The following SMIM14 variants were observed in gnomAD, a reference collection of about 807,000 sequenced individuals.
SMIM14 encodes chromosome 4 open reading frame 34.
In SMIM14, 5 loss-of-function variants were observed where a neutral mutation model predicts 12.6. That is an observed-to-expected ratio of 0.40 (90% CI 0.21 to 0.83). The LOEUF (loss-of-function observed/expected upper bound fraction) is 0.83. Among genes scored for constraint, SMIM14 ranks in the 40% least tolerant of loss-of-function variants. The probability of loss-of-function intolerance (pLI) is 0.37; values close to 1 mark genes in which losing one functional copy is unlikely to be tolerated. For missense variants in SMIM14, 86 were observed against 119.1 expected (o/e 0.72, Z 1.29); for synonymous variants, 30 against 40.1 (o/e 0.75, Z 0.95).
chr4:39,555,692 T>C (rs568011345), intron 4 of SMIM14, among the ~76,000 whole-genome samples: 16 of 152,332 alleles, frequency 1.1e-4, no homozygotes, highest in African/African-American at 3.8e-4. Flanking sequence ...GCTGATTTAC[T>C]GTGGTACAGA....
chr4:39,592,495 G>A (rs920411351), intron 2 of SMIM14, among the ~76,000 whole-genome samples: 9 of 151,994 alleles, frequency 5.9e-5, no homozygotes, highest in Non-Finnish European at 1.2e-4. Context: ...TTTATGAGAG[G>A]ATACTTTTCT....
chr4:39,634,012 T>TC (rs1716003755), intron 1 of SMIM14, among the ~76,000 whole-genome samples: 1 of 152,216 alleles, frequency 6.6e-6, no homozygotes, highest in Non-Finnish European at 1.5e-5. Flanking sequence ...CACTGCAACC[T>TC]CCACCTTCCG....
chr4:39,620,748 GGTGA>G (rs1269516900), intron 1 of SMIM14, among the ~76,000 whole-genome samples: 1 of 152,164 alleles, frequency 6.6e-6, no homozygotes, highest in African/African-American at 2.4e-5. Context: ...TGTGGGAAGT[GGTGA>G]GTAAGTCCTG....
intron 3 of SMIM14, among the ~76,000 whole-genome samples, chr4:39,557,077 C>A (rs999301704): frequency 1.4e-5 from 2 of 147,304 alleles, no homozygotes; most frequent in Non-Finnish European, 3.0e-5. Flanking sequence ...TGCAGTGGGA[C>A]AATGTTGGCT....
chr4:39,601,790 G>GA (rs1714622139), intron 2 of SMIM14, among the ~76,000 whole-genome samples: 1 of 151,716 alleles, frequency 6.6e-6, no homozygotes. Flanking sequence ...CTACCAAAAT[G>GA]TAAAAAATTA....
At chr4:39,619,925 G>T (rs192674101) in intron 1 of SMIM14, among the ~76,000 whole-genome samples, 2 of 143,720 alleles carry the variant, frequency 1.4e-5, no homozygotes, top group African/African-American at 5.2e-5. Flanking sequence ...TGTGGCCCAC[G>T]CTAGAGTGCA....
chr4:39,585,556 C>T (rs776645587), intron 2 of SMIM14, among the ~76,000 whole-genome samples: 2 of 151,986 alleles, frequency 1.3e-5, no homozygotes, highest in Non-Finnish European at 2.9e-5. Flanking sequence ...CTTGGCCTCC[C>T]AAAGTGCTGG....
Position 39,638,758 on chromosome 4 carries a change from T to G in SMIM14, c.-55A>C. On this transcript the variant is annotated 5_prime_UTR_variant, in exon 1 of 5. Coordinates refer to ENST00000295958, the MANE Select transcript of SMIM14 (RefSeq NM_174921.3). ...ACTCACCCGCCCAGACAACAACCGA[T>G]GGGGCGGGGAGGATGGGGGCCGGGA... 1 of 985,114 alleles carries G rather than the reference T, an allele frequency of 1.0e-6. No individual in the cohort carries two copies. 61.0% of individuals were successfully genotyped at this position (985,114 alleles called of 1,614,324 possible).
At chr4:39,620,175 T>C (rs1248754769) in intron 1 of SMIM14, among the ~76,000 whole-genome samples, 2 of 145,740 alleles carry the variant, frequency 1.4e-5, no homozygotes, top group Admixed American at 7.3e-5. Flanking sequence ...CCCATCTCTA[T>C]TAAGAAAAAA....
At chr4:39,621,553 T>C (rs1273341745) in intron 1 of SMIM14, among the ~76,000 whole-genome samples, 1 of 152,054 alleles carries the variant, frequency 6.6e-6, no homozygotes, top group Admixed American at 6.6e-5. Flanking sequence ...TAATCTGAAA[T>C]ACAAAGGTTT....
At chr4:39,635,312 G>C (rs1360215650) in intron 1 of SMIM14, among the ~76,000 whole-genome samples, 3 of 152,214 alleles carry the variant, frequency 2.0e-5, no homozygotes, top group Admixed American at 2.0e-4. Flanking sequence ...AGATAAGAGA[G>C]GAAGGCAGTG....
In SMIM14 at chr4:39,547,771, T is replaced by C. The variant is rs1747396820; in HGVS notation, c.*4355A>G. ...ATTCCATAAACACTCCCACACCACA[T>C]ACCACAAAAACACTAAAAGTAGCCA... On this transcript the variant is annotated 3_prime_UTR_variant, in exon 5 of 5. Transcript: ENST00000295958. 6.6e-6 allele frequency: 1 copy of C among 152,062 alleles called. No individual in the cohort carries two copies. 9.4% of individuals were successfully genotyped at this position (152,062 alleles called of 1,614,324 possible).
intron 1 of SMIM14, among the ~76,000 whole-genome samples, chr4:39,609,152 ATTTT>A (rs200983713): frequency 2.0e-5 from 3 of 150,344 alleles, no homozygotes; most frequent in South Asian, 4.2e-4. Flanking sequence ...AATTTTTTGT[ATTTT>A]TTTTTAGTAG....
rs188491141 is a variant in SMIM14 at position 39,567,268 on chromosome 4, A to G, written c.124+5147T>C. On this transcript the variant is annotated intron_variant, in intron 3 of 4. Coordinates refer to ENST00000295958, the MANE Select transcript of SMIM14 (RefSeq NM_174921.3). Reference sequence around the variant, plus strand: ...AAACTAGATAATTTCTCAGATTACAACTTTATCAGGAAGAAGCAGAAGGCT... The same window carrying G: ...AAACTAGATAATTTCTCAGATTACAGCTTTATCAGGAAGAAGCAGAAGGCT... Among the ~76,000 whole-genome samples the G allele has an allele frequency of 7.7e-4, 117 of 152,258 alleles. 2 individuals are homozygous for G. Among genetic ancestry groups the G allele is most frequent in the African/African-American group, 2.6e-3 (110 of 41,554 alleles).
chr4:39,582,779 C>A (rs999456156), intron 2 of SMIM14, among the ~76,000 whole-genome samples: 1 of 151,864 alleles, frequency 6.6e-6, no homozygotes, highest in African/African-American at 2.4e-5. Context: ...TTGTGTTTCA[C>A]CTTTAATTTT....
chr4:39,622,730 AAC>A (rs1715551086), intron 1 of SMIM14, among the ~76,000 whole-genome samples: 2 of 152,220 alleles, frequency 1.3e-5, no homozygotes. Flanking sequence ...GGCATAGGAA[AAC>A]ACATACAAAT....
chr4:39,567,922 A>C (rs1249732873), intron 3 of SMIM14, among the ~76,000 whole-genome samples: 1 of 152,084 alleles, frequency 6.6e-6, no homozygotes, highest in Admixed American at 6.6e-5. Flanking sequence ...AACAAAAAAC[A>C]AACAAAAACA....
intron 1 of SMIM14, among the ~76,000 whole-genome samples, chr4:39,605,617 A>C (rs1041241457): frequency 6.6e-6 from 1 of 152,248 alleles, no homozygotes; most frequent in South Asian, 2.1e-4. Flanking sequence ...AGCTAGGTAG[A>C]TTTCAAAAAA....
intron 4 of SMIM14, among the ~76,000 whole-genome samples, chr4:39,552,394 A>T (rs1711762720): frequency 6.6e-6 from 1 of 152,078 alleles, no homozygotes; most frequent in African/African-American, 2.4e-5. Flanking sequence ...GTGATTTTCC[A>T]CCATTTGTCT....
Sources: gnomAD v4.1 joint callset for allele counts (sites outside exome capture counted in the v4.1 genomes callset) on GRCh38, gnomAD v4.1.1 for gene constraint, MANE v1.5 for transcripts, NCBI Gene and HGNC (gene_info 2026-07-23, HGNC 2026-07-21) for gene names.